The following STPG2 variants were observed in gnomAD, a reference collection of about 807,000 sequenced individuals.
The protein encoded by STPG2 is sperm tail PG-rich repeat containing 2.
A neutral mutation model predicts 54.2 loss-of-function variants in STPG2; 56 were observed. The observed-to-expected ratio is 1.03, with a 90% CI of 0.83 to 1.29. STPG2 has a LOEUF of 1.29. STPG2 is among the 50% of genes most tolerant of loss of function. STPG2 has a pLI of 0.00. For missense variants in STPG2, 596 were observed against 544.9 expected (o/e 1.09, Z -0.93); for synonymous variants, 200 against 181.8 (o/e 1.10, Z -0.81).
chr4:97,455,281 T>C (rs1578312169), intron 4 of STPG2, among the ~76,000 whole-genome samples: 1 of 152,070 alleles, frequency 6.6e-6, no homozygotes, highest in Non-Finnish European at 1.5e-5. Context: ...CAGCCCTGTG[T>C]CCACAGACCT....
chr4:98,117,020 T>G (rs1354739228), intron 3 of STPG2, among the ~76,000 whole-genome samples: 1 of 152,008 alleles, frequency 6.6e-6, no homozygotes, highest in Non-Finnish European at 1.5e-5. Flanking sequence ...GCTTATATAT[T>G]TACCTTTATC....
intron 9 of STPG2, among the ~76,000 whole-genome samples, chr4:97,784,906 T>C (rs1376057632): frequency 6.6e-6 from 1 of 152,040 alleles, no homozygotes; most frequent in Non-Finnish European, 1.5e-5. Flanking sequence ...ATTACATCTA[T>C]AATTTCTGGC....
chr4:97,622,756 T>TA lies in STPG2; in HGVS notation c.1321-63640dup, dbSNP rs145699141. ...CAATGACATTGTTTACAGAATTTTTTAAAAAAAACTATCTTAAAATTTGTA... is the reference window on the plus strand; with the variant it reads ...CAATGACATTGTTTACAGAATTTTTTAAAAAAAAACTATCTTAAAATTTGTA... On this transcript the variant is annotated intron_variant, in intron 10 of 10. Coordinates refer to ENST00000295268, the MANE Select transcript of STPG2 (RefSeq NM_174952.3). Among the ~76,000 whole-genome samples, 300 of 151,844 alleles carry TA rather than the reference T, an allele frequency of 2.0e-3. 5 individuals carry two copies. The East Asian group carries it at 0.046, about 23-fold the overall frequency.
chr4:97,874,066 C>G (rs1376456403), intron 8 of STPG2, among the ~76,000 whole-genome samples: 1 of 151,442 alleles, frequency 6.6e-6, no homozygotes, highest in Non-Finnish European at 1.5e-5. Context: ...AATATAGCCT[C>G]TTTTGCAGTG....
chr4:97,468,126 CTAGAT>C (rs945510406), intron 4 of STPG2, among the ~76,000 whole-genome samples: 2 of 151,936 alleles, frequency 1.3e-5, no homozygotes, highest in African/African-American at 4.8e-5. Context: ...GCTTCTATAT[CTAGAT>C]TAAAGTTTAT....
intron 7 of STPG2, among the ~76,000 whole-genome samples, chr4:97,948,759 G>T (rs1403586683): frequency 6.6e-6 from 1 of 152,018 alleles, no homozygotes; most frequent in Non-Finnish European, 1.5e-5. Flanking sequence ...TTTGTATTCT[G>T]CTGTGATCTG....
chr4:98,025,429 A>T, intron 5 of STPG2: 1 of 442,456 alleles, frequency 2.3e-6, no homozygotes, highest in Non-Finnish European at 4.3e-6. Context: ...GCTTTAAGAG[A>T]TACCAAGTGA....
At chr4:97,712,335 G>A (rs928084749) in intron 10 of STPG2, among the ~76,000 whole-genome samples, 6 of 152,010 alleles carry the variant, frequency 3.9e-5, no homozygotes, top group African/African-American at 1.4e-4. Context: ...GATCCACAGG[G>A]CTTTCTTGTG....
intron 10 of STPG2, among the ~76,000 whole-genome samples, chr4:97,705,424 C>T (rs1723911536): frequency 6.6e-6 from 1 of 151,914 alleles, no homozygotes; most frequent in Admixed American, 6.6e-5. Context: ...CTCCCAAGTT[C>T]AAGCGATCCT....
At chr4:97,880,310 A>C (rs1292540734) in intron 8 of STPG2, among the ~76,000 whole-genome samples, 1 of 152,240 alleles carries the variant, frequency 6.6e-6, no homozygotes, top group Admixed American at 6.5e-5. Context: ...TTGCATGCAT[A>C]GATATTTAAA....
intron 4 of STPG2, among the ~76,000 whole-genome samples, chr4:97,541,732 T>A (rs1318336770): frequency 1.3e-5 from 2 of 152,146 alleles, no homozygotes; most frequent in Non-Finnish European, 2.9e-5. Context: ...ACTACAAGGC[T>A]ACAGTAACCA....
intron 8 of STPG2, among the ~76,000 whole-genome samples, chr4:97,904,607 G>C (rs575975552): frequency 6.6e-6 from 1 of 152,298 alleles, no homozygotes; most frequent in East Asian, 1.9e-4. Context: ...GCTGGACAGA[G>C]AATGACTTTG....
At chr4:97,668,633 G>A (rs1578466570) in intron 10 of STPG2, among the ~76,000 whole-genome samples, 1 of 142,344 alleles carries the variant, frequency 7.0e-6, no homozygotes, top group African/African-American at 2.5e-5. Flanking sequence ...ATAAAGGAAG[G>A]AAGGAAAGAA....
chr4:98,054,325 C>T (rs1737418446), intron 5 of STPG2, among the ~76,000 whole-genome samples: 1 of 152,102 alleles, frequency 6.6e-6, no homozygotes, highest in Non-Finnish European at 1.5e-5. Flanking sequence ...ACATTTTTTA[C>T]AATTTACTCC....
At chr4:98,003,122 T>C (rs1367426798) in intron 5 of STPG2, among the ~76,000 whole-genome samples, 1 of 152,078 alleles carries the variant, frequency 6.6e-6, no homozygotes, top group Non-Finnish European at 1.5e-5. Flanking sequence ...AACAGTTTAA[T>C]GGCTGTCTGA....
chr4:98,086,540 A>G (rs1276793080), intron 5 of STPG2, among the ~76,000 whole-genome samples: 1 of 152,030 alleles, frequency 6.6e-6, no homozygotes, highest in Non-Finnish European at 1.5e-5. Context: ...ATCATTAAAT[A>G]TAGGTCTCCA....
intron 10 of STPG2, among the ~76,000 whole-genome samples, chr4:97,667,968 A>G (rs1304659043): frequency 6.6e-6 from 1 of 152,218 alleles, no homozygotes; most frequent in East Asian, 1.9e-4. Context: ...GAAAACAGTG[A>G]TTTATTTATA....
intron 1 of STPG2, among the ~76,000 whole-genome samples, chr4:98,136,724 A>T (rs1201579046): frequency 6.6e-6 from 1 of 151,754 alleles, no homozygotes; most frequent in African/African-American, 2.4e-5. Flanking sequence ...GTGAGCTGGG[A>T]GAAATGGAAG....
At chr4:97,450,612 T>A (rs557991500) in intron 4 of STPG2, among the ~76,000 whole-genome samples, 2 of 152,112 alleles carry the variant, frequency 1.3e-5, no homozygotes, top group South Asian at 4.2e-4. Flanking sequence ...GACTCAAAGA[T>A]CAACACAGGC....
Sources: gnomAD v4.1 joint callset for allele counts (sites outside exome capture counted in the v4.1 genomes callset) on GRCh38, gnomAD v4.1.1 for gene constraint, MANE v1.5 for transcripts, NCBI Gene and HGNC (gene_info 2026-07-23, HGNC 2026-07-21) for gene names.